The following ATF7IP variants were observed in gnomAD, a reference collection of about 807,000 sequenced individuals.
ATF7IP encodes the protein activating transcription factor 7-interacting protein 1.
A neutral mutation model predicts 106.4 loss-of-function variants in ATF7IP; 23 were observed. That is an observed-to-expected ratio of 0.22 (90% CI 0.16 to 0.31). The LOEUF (loss-of-function observed/expected upper bound fraction) is 0.31. Among genes scored for constraint, ATF7IP ranks in the 10% least tolerant of loss-of-function variants. ATF7IP has a pLI of 1.00. For synonymous variants in ATF7IP, 542 were observed against 539.0 expected, an observed-to-expected ratio of 1.01 and a Z score of -0.08; for missense variants, 1,334 against 1,524.3, an observed-to-expected ratio of 0.88 and a Z score of 2.08.
intron 1 of ATF7IP, among the ~76,000 whole-genome samples, chr12:14,374,813 A>G (rs1938668635): frequency 6.6e-6 from 1 of 152,190 alleles, no homozygotes; most frequent in Non-Finnish European, 1.5e-5. Context: ...CTATTAAAGC[A>G]TGTTGTTGCT....
intron 1 of ATF7IP, among the ~76,000 whole-genome samples, chr12:14,420,648 A>G (rs557848727): frequency 6.6e-6 from 1 of 152,018 alleles, no homozygotes; most frequent in South Asian, 2.1e-4. Flanking sequence ...AAAAAAATAA[A>G]GAAATAGCCA....
At position 14,501,380 on chromosome 12, in the gene ATF7IP, T is replaced by C. The variant is rs1945155535; in HGVS notation, c.*3307T>C. 6.6e-6 allele frequency: 1 copy of C among 152,226 alleles called. No homozygotes were observed. Among genetic ancestry groups the C allele is most frequent in the African/African-American group, 2.4e-5 (1 of 41,460 alleles). 9.4% of individuals were successfully genotyped at this position (152,226 alleles called of 1,614,324 possible). ...GTATGGCATTTAAAGGTAATGGTGA[T>C]GTTTATTATTCTATACTTTGCATTC... On this transcript the variant is annotated 3_prime_UTR_variant, in exon 15 of 15. Coordinates refer to ENST00000261168, the MANE Select transcript of ATF7IP (RefSeq NM_018179.5).
In ATF7IP at chr12:14,446,988, G is replaced by A. The variant is rs1164927029; in HGVS notation, c.1930G>A (p.Ala644Thr). Residue 644 changes from alanine to threonine, a missense_variant and splice_region_variant, in exon 6 of 15, where the codon GCC becomes ACC. Transcript: ENST00000261168. ...RHKTVLTELQ[A>T]KIARLTKRFE... is the part of the protein sequence containing the mutation. ...TTTTTGTCTTTTTTTTTTTTTTCAG[G>A]CCAAGATAGCCAGGTTAACCAAACG... is the stretch of plus-strand genomic sequence containing the variant. 1.3e-6 allele frequency: 2 copies of A among 1,504,524 alleles called. No individual in the cohort carries two copies. Among genetic ancestry groups the A allele is most frequent in the Non-Finnish European group, 1.8e-6 (2 of 1,129,436 alleles). 93.2% of individuals were successfully genotyped at this position (1,504,524 alleles called of 1,614,324 possible). A position where few individuals can be genotyped will look rare whatever the true frequency, so the allele number is the denominator to read the frequency against.
chr12:14,455,439 A>G lies in ATF7IP; in HGVS notation c.1996-1122A>G, dbSNP rs74069863. Among the ~76,000 whole-genome samples the G allele has an allele frequency of 7.7e-3, 1,177 of 152,322 alleles. 17 individuals carry two copies. Among genetic ancestry groups the G allele is most frequent in the African/African-American group, 0.027 (1,120 of 41,566 alleles). ...AAGGTTGAAATTATTGTTGTGTCAT[A>G]TAAAAAGTAGCAAGATGTATTTGTT... On this transcript the variant is annotated intron_variant, in intron 6 of 14. Coordinates refer to ENST00000261168, the MANE Select transcript of ATF7IP (RefSeq NM_018179.5).
intron 1 of ATF7IP, among the ~76,000 whole-genome samples, chr12:14,388,047 C>G (rs1483498420): frequency 2.3e-5 from 3 of 132,874 alleles, no homozygotes; most frequent in Non-Finnish European, 3.1e-5. Context: ...GAGTTTCACT[C>G]TTATGGCACA....
Position 14,461,119 on chromosome 12 carries a change from C to G in ATF7IP, c.2783C>G (p.Thr928Ser). 1.9e-6 allele frequency: 3 copies of G among 1,611,490 alleles called. No homozygotes were observed. Among genetic ancestry groups the G allele is most frequent in the Non-Finnish European group, 2.5e-6 (3 of 1,178,046 alleles). The change falls in exon 9 of 15, where the codon ACC becomes AGC. Residue 928 changes from threonine to serine, a missense_variant. Transcript: ENST00000261168. ...TCTGCTGCAGAACAGAACAGCAATACCACCCCAAGAATTGGTAAGTCACCA... is the reference window on the plus strand; with the variant it reads ...TCTGCTGCAGAACAGAACAGCAATAGCACCCCAAGAATTGGTAAGTCACCA... The part of the protein sequence containing the change: ...TSSAAEQNSN[T>S]TPRIENQTNK...
At chr12:14,494,657 G>T (rs1944952915) in intron 13 of ATF7IP, among the ~76,000 whole-genome samples, 1 of 150,668 alleles carries the variant, frequency 6.6e-6, no homozygotes, top group African/African-American at 2.4e-5. Flanking sequence ...AATAGACTGG[G>T]CATGGTAGCT....
chr12:14,486,718 C>T (rs544780100), intron 13 of ATF7IP, among the ~76,000 whole-genome samples: 5 of 152,308 alleles, frequency 3.3e-5, no homozygotes, highest in Non-Finnish European at 4.4e-5. Context: ...CTGTCCATTA[C>T]GGTAGCTACG....
chr12:14,423,163 T>C (rs1420630946), intron 1 of ATF7IP, among the ~76,000 whole-genome samples: 1 of 152,200 alleles, frequency 6.6e-6, no homozygotes. Flanking sequence ...TTATGGACTT[T>C]TGGCTTAGGG....
intron 1 of ATF7IP, chr12:14,395,223 G>C (rs1000206477): frequency 6.6e-6 from 1 of 152,038 alleles, no homozygotes; most frequent in Non-Finnish European, 1.5e-5. Context: ...AGAAGAGGAA[G>C]TCCTTTTCAC....
intron 1 of ATF7IP, among the ~76,000 whole-genome samples, chr12:14,374,272 AT>A (rs563859251): frequency 0.014 from 1,519 of 105,436 alleles, 6 homozygotes; most frequent in Non-Finnish European, 0.019. Context: ...TAATTTTGTA[AT>A]TTTTTTTTTT....
intron 11 of ATF7IP, 35 bp from the exon 12 acceptor site, chr12:14,478,282 C>T (rs1411080220): frequency 6.3e-7 from 1 of 1,593,802 alleles, no homozygotes; most frequent in African/African-American, 1.3e-5. Context: ...TGATTTTTTT[C>T]TTGTCAGTCA....
intron 6 of ATF7IP, 82 bp from the exon 7 acceptor site, chr12:14,456,479 G>A (rs1388365076): frequency 1.2e-6 from 1 of 844,578 alleles, no homozygotes; most frequent in Non-Finnish European, 2.0e-6. Context: ...TATATTGACA[G>A]GCATCTACAG....
At chr12:14,427,448 C>T (rs553895048) in intron 2 of ATF7IP, among the ~76,000 whole-genome samples, 32 of 152,164 alleles carry the variant, frequency 2.1e-4, no homozygotes, top group Non-Finnish European at 3.1e-4. Context: ...CTGCAACCTC[C>T]GCCTCCCGGG....
At chr12:14,475,304 G>A (rs1042332622) in intron 10 of ATF7IP, among the ~76,000 whole-genome samples, 1 of 152,108 alleles carries the variant, frequency 6.6e-6, no homozygotes, top group African/African-American at 2.4e-5. Flanking sequence ...TGGCTCTTTA[G>A]GTTTATGTCG....
At chr12:14,447,774 A>G (rs1280181116) in intron 6 of ATF7IP, among the ~76,000 whole-genome samples, 1 of 151,984 alleles carries the variant, frequency 6.6e-6, no homozygotes, top group Admixed American at 6.6e-5. Context: ...TTTCTTCCCC[A>G]TGTAGTCAGT....
chr12:14,413,144 G>T (rs899606744), intron 1 of ATF7IP, among the ~76,000 whole-genome samples: 3 of 152,236 alleles, frequency 2.0e-5, no homozygotes, highest in African/African-American at 7.2e-5. Context: ...TAGGGTGAAA[G>T]ATTTCAGTCT....
chr12:14,417,667 AT>A (rs1941273232), intron 1 of ATF7IP, among the ~76,000 whole-genome samples: 2 of 152,192 alleles, frequency 1.3e-5, no homozygotes, highest in Non-Finnish European at 2.9e-5. Context: ...ATGTTCATGG[AT>A]ATTTATTAAA....
At chr12:14,388,146 T>C (rs894565416) in intron 1 of ATF7IP, among the ~76,000 whole-genome samples, 2 of 151,876 alleles carry the variant, frequency 1.3e-5, no homozygotes, top group Admixed American at 1.3e-4. Flanking sequence ...GCCTCCTGGG[T>C]TCAAGCCATT....
Sources: gnomAD v4.1 joint callset for allele counts (sites outside exome capture counted in the v4.1 genomes callset) on GRCh38, gnomAD v4.1.1 for gene constraint, MANE v1.5 for transcripts, NCBI Gene and HGNC (gene_info 2026-07-23, HGNC 2026-07-21) for gene names.